The following MIPOL1 variants were observed in gnomAD, a reference collection of about 807,000 sequenced individuals.
The protein encoded by MIPOL1 is mirror-image polydactyly 1, also known as mirror-image polydactyly gene 1 protein.
In MIPOL1, 57 loss-of-function variants were observed where a neutral mutation model predicts 60.9. That is an observed-to-expected ratio of 0.94 (90% CI 0.76 to 1.17). The LOEUF (loss-of-function observed/expected upper bound fraction) is 1.17. Among genes scored for constraint, MIPOL1 ranks in the 50% most tolerant of loss-of-function variants. MIPOL1 has a pLI of 0.00. For missense variants in MIPOL1, 551 were observed against 511.6 expected (o/e 1.08, Z -0.74); for synonymous variants, 179 against 168.8 (o/e 1.06, Z -0.47).
chr14:37,309,258 C>T (rs2087079047), intron 9 of MIPOL1, among the ~76,000 whole-genome samples: 1 of 151,944 alleles, frequency 6.6e-6, no homozygotes, highest in Non-Finnish European at 1.5e-5. Context: ...CATGAGCCAC[C>T]ACACCTGGCC....
intron 9 of MIPOL1, among the ~76,000 whole-genome samples, chr14:37,329,464 G>A (rs1239050636): frequency 6.6e-6 from 1 of 152,074 alleles, no homozygotes; most frequent in Non-Finnish European, 1.5e-5. Flanking sequence ...TCAACTTGTT[G>A]ATACTTTGAT....
intron 11 of MIPOL1, among the ~76,000 whole-genome samples, chr14:37,471,240 A>G (rs2094685041): frequency 1.3e-5 from 2 of 152,242 alleles, no homozygotes; most frequent in Non-Finnish European, 1.5e-5. Context: ...ATCCCAAACC[A>G]GGTCCAAGAG....
At chr14:37,278,474 A>G (rs1429210219) in intron 6 of MIPOL1, 1 of 151,668 alleles carries the variant, frequency 6.6e-6, no homozygotes, top group Non-Finnish European at 1.5e-5. Flanking sequence ...AGAATTTGAG[A>G]TTCTTTCATA....
At chr14:37,407,842 CTTCTTT>C (rs1477258316) in intron 10 of MIPOL1, among the ~76,000 whole-genome samples, 12 of 58,056 alleles carry the variant, frequency 2.1e-4, no homozygotes, top group Non-Finnish European at 3.0e-4. Flanking sequence ...TCTTCTTCTT[CTTCTTT>C]TTTTTTTTTT....
At chr14:37,225,056 C>T (rs990993665) in intron 1 of MIPOL1, among the ~76,000 whole-genome samples, 1 of 152,156 alleles carries the variant, frequency 6.6e-6, no homozygotes, top group Non-Finnish European at 1.5e-5. Flanking sequence ...GTCTCACATC[C>T]AGGTCACGCT....
chr14:37,316,420 T>C (rs1277445407), intron 9 of MIPOL1, among the ~76,000 whole-genome samples: 2 of 152,040 alleles, frequency 1.3e-5, no homozygotes, highest in Admixed American at 6.6e-5. Flanking sequence ...ACATGGATGA[T>C]GTTGAGGGCT....
intron 9 of MIPOL1, among the ~76,000 whole-genome samples, chr14:37,353,585 C>G (rs1490778420): frequency 5.3e-5 from 8 of 151,556 alleles, no homozygotes; most frequent in African/African-American, 7.3e-5. Context: ...AATTTCAGAT[C>G]CTGTTATTGG....
intron 9 of MIPOL1, among the ~76,000 whole-genome samples, chr14:37,363,023 A>G (rs1282140093): frequency 6.6e-6 from 1 of 152,014 alleles, no homozygotes; most frequent in Non-Finnish European, 1.5e-5. Context: ...CCTTTTTTCA[A>G]GATTTTTAGA....
chr14:37,397,999 C>T (rs897547823), intron 10 of MIPOL1, among the ~76,000 whole-genome samples: 1 of 152,092 alleles, frequency 6.6e-6, no homozygotes, highest in African/African-American at 2.4e-5. Context: ...GGCTTCTTGC[C>T]CCATTTAAAT....
intron 1 of MIPOL1, among the ~76,000 whole-genome samples, chr14:37,242,515 A>G (rs1036233164): frequency 9.9e-5 from 15 of 152,196 alleles, no homozygotes; most frequent in African/African-American, 3.6e-4. Context: ...CATAGTATAT[A>G]TAGATCTCTT....
At chr14:37,382,026 G>A (rs1347817376) in intron 10 of MIPOL1, among the ~76,000 whole-genome samples, 2 of 151,980 alleles carry the variant, frequency 1.3e-5, no homozygotes, top group African/African-American at 2.4e-5. Flanking sequence ...TTAGGATGAT[G>A]TCAGTATTTT....
At chr14:37,379,257 A>C (rs764437935) in intron 10 of MIPOL1, among the ~76,000 whole-genome samples, 10 of 152,126 alleles carry the variant, frequency 6.6e-5, no homozygotes, top group Non-Finnish European at 1.2e-4. Context: ...CTGGCTATTC[A>C]TATGCAAAAG....
chr14:37,290,086 AT>A (rs1184771460), intron 7 of MIPOL1, among the ~76,000 whole-genome samples: 3 of 152,134 alleles, frequency 2.0e-5, no homozygotes, highest in Non-Finnish European at 2.9e-5. Flanking sequence ...TTGTATTCAA[AT>A]TTTTTGTGAA....
At chr14:37,404,264 T>C (rs1352698238) in intron 10 of MIPOL1, among the ~76,000 whole-genome samples, 1 of 152,260 alleles carries the variant, frequency 6.6e-6, no homozygotes, top group East Asian at 1.9e-4. Context: ...AATAAATTCT[T>C]TTTTGGGTTT....
intron 9 of MIPOL1, among the ~76,000 whole-genome samples, chr14:37,362,467 C>T (rs577220418): frequency 1.3e-4 from 20 of 152,226 alleles, no homozygotes; most frequent in African/African-American, 3.4e-4. Context: ...GGGTTTCTGC[C>T]GATAGATGCA....
chr14:37,419,587 G>C (rs2093834082), intron 10 of MIPOL1, among the ~76,000 whole-genome samples: 1 of 152,074 alleles, frequency 6.6e-6, no homozygotes, highest in African/African-American at 2.4e-5. Context: ...AGAAGAAAAA[G>C]TGTTATACTT....
At chr14:37,480,933 G>T (rs926711821) in intron 11 of MIPOL1, among the ~76,000 whole-genome samples, 1 of 152,138 alleles carries the variant, frequency 6.6e-6, no homozygotes, top group African/African-American at 2.4e-5. Flanking sequence ...GAAGCCAGGA[G>T]TTCAAGACCA....
chr14:37,285,281 T>G, intron 6 of MIPOL1, 37 bp from the exon 7 acceptor site: 1 of 1,611,792 alleles, frequency 6.2e-7, no homozygotes. Flanking sequence ...GTCCTTTATT[T>G]TGTATGATTG....
At chr14:37,330,786 A>T (rs1955936) in intron 9 of MIPOL1, among the ~76,000 whole-genome samples, 1 of 150,764 alleles carries the variant, frequency 6.6e-6, no homozygotes, top group African/African-American at 2.4e-5. Flanking sequence ...TTTACCACTA[A>T]AATACACAGA....
Sources: gnomAD v4.1 joint callset for allele counts (sites outside exome capture counted in the v4.1 genomes callset) on GRCh38, gnomAD v4.1.1 for gene constraint, MANE v1.5 for transcripts, NCBI Gene and HGNC (gene_info 2026-07-23, HGNC 2026-07-21) for gene names.